CLASP1: variants seen among roughly 807,000 people sequenced by gnomAD.
CLASP1 encodes the protein cytoplasmic linker associated protein 1, also known as CLIP-associating protein 1.
A neutral mutation model predicts 192.3 loss-of-function variants in CLASP1; 38 were observed. That is an observed-to-expected ratio of 0.20 (90% CI 0.15 to 0.26). The LOEUF (loss-of-function observed/expected upper bound fraction) is 0.26, where lower values mean the gene tolerates loss of function less well. CLASP1 is among the 10% of genes least tolerant of loss of function. The pLI is 1.00. For missense variants in CLASP1, 1,433 were observed against 1,932.5 expected, an observed-to-expected ratio of 0.74 and a Z score of 4.85; for synonymous variants, 691 against 712.8, an observed-to-expected ratio of 0.97 and a Z score of 0.49.
chr2:121,519,837 G>A (rs1272712124), intron 6 of CLASP1, among the ~76,000 whole-genome samples: 1 of 152,202 alleles, frequency 6.6e-6, no homozygotes, highest in Non-Finnish European at 1.5e-5. Context: ...CACTCTAATA[G>A]AGAAGAGGTT....
intron 2 of CLASP1, among the ~76,000 whole-genome samples, chr2:121,595,235 T>TC (rs986055996): frequency 6.6e-6 from 1 of 152,218 alleles, no homozygotes; most frequent in Non-Finnish European, 1.5e-5. Context: ...CACTTTCTAG[T>TC]CATGTAACCT....
chr2:121,496,297 G>A (rs910782860), intron 8 of CLASP1, among the ~76,000 whole-genome samples: 24 of 152,138 alleles, frequency 1.6e-4, no homozygotes, highest in African/African-American at 5.3e-4. Context: ...CTAGGAAGCC[G>A]CTCTGTGGAC....
chr2:121,464,884 A>G (rs2089179722), intron 9 of CLASP1, among the ~76,000 whole-genome samples: 1 of 152,146 alleles, frequency 6.6e-6, no homozygotes, highest in African/African-American at 2.4e-5. Context: ...TTCTGTTGCC[A>G]TTGCTTTTGG....
intron 2 of CLASP1, among the ~76,000 whole-genome samples, chr2:121,585,597 A>C (rs544124646): frequency 6.2e-4 from 94 of 152,326 alleles, no homozygotes; most frequent in Non-Finnish European, 1.2e-3. Context: ...TCAAGAGCTC[A>C]GTCTATAAAA....
chr2:121,620,345 A>G (rs1349562564), intron 1 of CLASP1, among the ~76,000 whole-genome samples: 2 of 152,054 alleles, frequency 1.3e-5, no homozygotes, highest in Non-Finnish European at 2.9e-5. Flanking sequence ...CTAAGGACTA[A>G]GGATACTAAG....
intron 8 of CLASP1, among the ~76,000 whole-genome samples, chr2:121,493,059 G>A (rs1277433991): frequency 6.6e-6 from 1 of 152,128 alleles, no homozygotes; most frequent in African/African-American, 2.4e-5. Context: ...GAGCATTACT[G>A]TCCATACTAC....
chr2:121,387,140 T>C (rs2073391411), exon 32 of CLASP1: 3 of 1,613,686 alleles, frequency 1.9e-6, no homozygotes, highest in Admixed American at 3.3e-5. Flanking sequence ...CAGACCCCCA[T>C]GGGAACAGTT....
intron 1 of CLASP1, among the ~76,000 whole-genome samples, chr2:121,629,701 G>A (rs2069116364): frequency 6.6e-6 from 1 of 151,790 alleles, no homozygotes; most frequent in Non-Finnish European, 1.5e-5. Flanking sequence ...TGAGGCAGGA[G>A]AATCACTTGA....
intron 8 of CLASP1, among the ~76,000 whole-genome samples, chr2:121,479,750 G>T (rs1188346193): frequency 1.3e-5 from 2 of 152,168 alleles, no homozygotes; most frequent in East Asian, 3.9e-4. Flanking sequence ...GTGTTATTAG[G>T]GCCGGTTCTA....
In CLASP1 at chr2:121,386,227, G is replaced by A. The variant is rs952393211; in HGVS notation, c.3374+895C>T. Among the ~76,000 whole-genome samples, 10 of 152,286 alleles carry A rather than the reference G, an allele frequency of 6.6e-5. No homozygotes were observed. The East Asian group carries it at 1.5e-3, about 23-fold the overall frequency. On this transcript the variant is annotated intron_variant, in intron 32 of 39. Transcript: ENST00000263710. ...CCTAGTAACAAGGACCCATTAAAGG[G>A]AAAATAGCATACTTGTGGTATTTGC...
chr2:121,428,468 CT>C (rs1293810534), intron 20 of CLASP1, among the ~76,000 whole-genome samples: 4 of 152,106 alleles, frequency 2.6e-5, no homozygotes, highest in Non-Finnish European at 4.4e-5. Context: ...TCAAGAATTC[CT>C]TTGCAGTAAA....
At chr2:121,522,269 C>T (rs968338404) in intron 6 of CLASP1, among the ~76,000 whole-genome samples, 3 of 152,142 alleles carry the variant, frequency 2.0e-5, no homozygotes, top group East Asian at 1.9e-4. Context: ...CTGAAAGCTG[C>T]CCGTAGAGTA....
rs72969386 is a variant in CLASP1 at position 121,530,831 on chromosome 2, C to G, written c.196-506G>C. The G allele has an allele frequency of 0.045, 30,049 of 661,218 alleles. 897 individuals carry two copies. Among genetic ancestry groups the G allele is most frequent in the East Asian group, 0.12 (4,332 of 36,516 alleles). 41.0% of individuals were successfully genotyped at this position (661,218 alleles called of 1,614,324 possible). A position where few individuals can be genotyped will look rare whatever the true frequency, so the allele number is the denominator to read the frequency against. On this transcript the variant is annotated intron_variant, in intron 2 of 39. Transcript: ENST00000263710. ...GGCTCACGAATTAATTACCACAACC[C>G]TACCAGGTATTGGCGCTTCCTGCTT... is the stretch of plus-strand genomic sequence containing the variant.
At chr2:121,526,329 T>C (rs1353856776) in intron 5 of CLASP1, among the ~76,000 whole-genome samples, 1 of 152,218 alleles carries the variant, frequency 6.6e-6, no homozygotes, top group Non-Finnish European at 1.5e-5. Context: ...AGCTAGACAT[T>C]CAGGCAACAC....
At chr2:121,478,706 CCA>C (rs1318809199) in intron 8 of CLASP1, among the ~76,000 whole-genome samples, 7 of 68,562 alleles carry the variant, frequency 1.0e-4, no homozygotes, top group Non-Finnish European at 1.6e-4. Context: ...CAACCACACC[CCA>C]CACACACAAC....
intron 31 of CLASP1, 42 bp from the exon 33 acceptor site, chr2:121,387,270 T>C (rs2073427014): frequency 2.4e-6 from 3 of 1,267,842 alleles, no homozygotes; most frequent in Non-Finnish European, 3.3e-6. Flanking sequence ...AAGGGCTGTA[T>C]ATAGAATATA....
rs375808825 is a variant in CLASP1, at chr2:121,370,332, C to CT, written c.3643-2502dup. ...GCTCCTCCATTCTTCGATTTTCTTT[C>CT]TTTTTTTTTGAGACAGAGTTTCACT... On this transcript the variant is annotated intron_variant, in intron 34 of 39. Coordinates refer to ENST00000263710, the Ensembl canonical transcript of CLASP1. Among the ~76,000 whole-genome samples, 779 of 151,592 alleles carry CT rather than the reference C, an allele frequency of 5.1e-3. 9 individuals are homozygous for CT. Among genetic ancestry groups the CT allele is most frequent in the African/African-American group, 7.4e-3 (308 of 41,344 alleles).
intron 7 of CLASP1, among the ~76,000 whole-genome samples, chr2:121,510,339 T>A (rs1001191283): frequency 6.6e-6 from 1 of 151,928 alleles, no homozygotes; most frequent in African/African-American, 2.4e-5. Flanking sequence ...ATTAATGAAA[T>A]AAGAACCTTG....
intron 39 of CLASP1, among the ~76,000 whole-genome samples, chr2:121,346,119 CCT>C (rs1279577570): frequency 6.6e-6 from 1 of 152,228 alleles, no homozygotes; most frequent in Admixed American, 6.5e-5. Context: ...GCCAATTCCT[CCT>C]CTCATAAGAG....
Sources: allele counts gnomAD v4.1 joint callset (sites outside exome capture counted in the v4.1 genomes callset), GRCh38; gene constraint gnomAD v4.1.1; transcripts MANE v1.5; gene names NCBI Gene and HGNC (gene_info 2026-07-23, HGNC 2026-07-21).